DAB1: variants seen among roughly 807,000 people sequenced by gnomAD.
DAB1 encodes DAB adaptor protein 1, also known as disabled homolog 1.
In DAB1, 15 loss-of-function variants were observed where a neutral mutation model predicts 64.6. The ratio of observed to expected loss-of-function variants is 0.23; its 90% CI spans 0.16 to 0.36. DAB1 has a LOEUF of 0.36. Ranked by LOEUF, DAB1 falls within the 10% of genes least tolerant of loss-of-function variation. DAB1 has a pLI of 1.00. For missense variants in DAB1, 596 were observed against 706.7 expected (o/e 0.84, Z 1.78); for synonymous variants, 235 against 251.9 (o/e 0.93, Z 0.64).
intron 4 of DAB1, among the ~76,000 whole-genome samples, chr1:57,082,119 G>A (rs569706714): frequency 6.6e-6 from 1 of 152,270 alleles, no homozygotes; most frequent in South Asian, 2.1e-4. Context: ...AACCTATCTA[G>A]TGAGAGAATC....
At chr1:57,821,551 C>T (rs1652122075), downstream of DAB1, among the ~76,000 whole-genome samples, 2 of 152,202 alleles carry the variant, frequency 1.3e-5, no homozygotes, top group Non-Finnish European at 2.9e-5. Context: ...GAGCCATAGA[C>T]AACCCAAAGG....
chr1:57,899,571 C>A (rs1002960351), intron 5 of DAB1, among the ~76,000 whole-genome samples: 5 of 152,106 alleles, frequency 3.3e-5, no homozygotes, highest in Admixed American at 6.6e-5. Context: ...AACTCCTACA[C>A]CCTACCCTGA....
chr1:58,546,227 G>A (rs981028724), intron 1 of DAB1, among the ~76,000 whole-genome samples: 1 of 152,242 alleles, frequency 6.6e-6, no homozygotes, highest in African/African-American at 2.4e-5. Flanking sequence ...AGTTTCTCCT[G>A]AAGAGGGAAG....
chr1:58,535,656 A>G (rs2100486065), intron 1 of DAB1, among the ~76,000 whole-genome samples: 1 of 151,888 alleles, frequency 6.6e-6, no homozygotes, highest in African/African-American at 2.4e-5. Flanking sequence ...GCTACTGGAC[A>G]TGAATTCGAA....
At chr1:57,104,279 G>A (rs1246272252) in intron 4 of DAB1, among the ~76,000 whole-genome samples, 2 of 151,996 alleles carry the variant, frequency 1.3e-5, no homozygotes, top group Admixed American at 1.3e-4. Context: ...TCACTCACAG[G>A]GTAGGTCACA....
intron 4 of DAB1, among the ~76,000 whole-genome samples, chr1:57,082,864 C>T (rs1652686699): frequency 1.3e-5 from 2 of 152,122 alleles, no homozygotes; most frequent in Non-Finnish European, 2.9e-5. Context: ...AATCTTGTTC[C>T]CCTTTATCAG....
intron 4 of DAB1, among the ~76,000 whole-genome samples, chr1:58,185,058 C>T (rs564886351): frequency 7.2e-5 from 11 of 152,262 alleles, no homozygotes; most frequent in African/African-American, 2.6e-4. Flanking sequence ...ATACCCTTAT[C>T]CCACATTCTG....
chr1:57,267,689 G>T (rs1320682108), intron 2 of DAB1, among the ~76,000 whole-genome samples: 1 of 152,158 alleles, frequency 6.6e-6, no homozygotes, highest in African/African-American at 2.4e-5. Context: ...AGATGCTTCA[G>T]GTCATTGCAC....
At chr1:57,004,276 T>C (rs1433274764) in intron 14 of DAB1, among the ~76,000 whole-genome samples, 1 of 152,230 alleles carries the variant, frequency 6.6e-6, no homozygotes, top group Non-Finnish European at 1.5e-5. Flanking sequence ...CTATGTCACA[T>C]TATAACAAGA....
At chr1:58,284,969 G>T (rs994243808) in intron 4 of DAB1, among the ~76,000 whole-genome samples, 5 of 152,184 alleles carry the variant, frequency 3.3e-5, no homozygotes, top group Non-Finnish European at 5.9e-5. Context: ...TCATATATCT[G>T]CTTCCCATTC....
chr1:57,608,154 C>CAT (rs1441174223), intron 7 of DAB1, among the ~76,000 whole-genome samples: 4 of 152,094 alleles, frequency 2.6e-5, no homozygotes, highest in Admixed American at 2.6e-4. Context: ...TATACACACA[C>CAT]ATATATATAC....
intron 9 of DAB1, among the ~76,000 whole-genome samples, chr1:57,035,073 G>A (rs1647097421): frequency 6.6e-6 from 1 of 152,188 alleles, no homozygotes; most frequent in Non-Finnish European, 1.5e-5. Flanking sequence ...AATAACCATA[G>A]ACATTATTAT....
chr1:57,052,315 C>T (rs887949494), intron 9 of DAB1, among the ~76,000 whole-genome samples: 1 of 152,166 alleles, frequency 6.6e-6, no homozygotes, highest in Non-Finnish European at 1.5e-5. Context: ...GCTGGGATGT[C>T]ATATCTGATC....
chr1:58,363,408 G>A (rs1357627388), intron 3 of DAB1, among the ~76,000 whole-genome samples: 1 of 152,174 alleles, frequency 6.6e-6, no homozygotes. Flanking sequence ...GGGGCAGCAA[G>A]AAATATGTGA....
In DAB1 at chr1:57,678,761, G is replaced by GTTTTTTTTTTTTTTTTT. The variant is rs143885937; in HGVS notation, n.552-29097_552-29096insAAAAAAAAAAAAAAAAA. Among the ~76,000 whole-genome samples, 12 of 135,804 alleles carry GTTTTTTTTTTTTTTTTT rather than the reference G, an allele frequency of 8.8e-5. 2 individuals carry two copies. Among genetic ancestry groups the GTTTTTTTTTTTTTTTTT allele is most frequent in the African/African-American group, 1.1e-4 (4 of 35,370 alleles). The allele number at this position is 135,804 out of a possible 152,430, so 89.1% of individuals were successfully genotyped here. On this transcript the variant is annotated intron_variant and non_coding_transcript_variant, in intron 6 of 20. Coordinates refer to the DAB1 transcript ENST00000485760. ...CTGGCATTCGTCCAGTGAGGCAACT[G>GTTTTTTTTTTTTTTTTT]TTTTTTGTTTTTTTTTTCTTTGTTT... is the stretch of plus-strand genomic sequence containing the variant.
At position 57,193,666 on chromosome 1, in the gene DAB1, T is replaced by G. The variant is rs142259107; in HGVS notation, c.68-48237A>C. ...TTCCAAAGTGCTGGCATTGTAGGCT[T>G]GAGCCATGCATATGTATTTTTTAAA... On this transcript the variant is annotated intron_variant, in intron 2 of 14. Transcript: ENST00000371236. Among the ~76,000 whole-genome samples, 1,337 of 152,320 alleles carry G rather than the reference T, an allele frequency of 8.8e-3. 12 individuals are homozygous for G. The highest frequency in any genetic ancestry group is 0.014 in the Non-Finnish European group (959 of 68,026).
intron 7 of DAB1, among the ~76,000 whole-genome samples, chr1:57,643,264 G>T (rs1293557330): frequency 2.6e-5 from 4 of 152,078 alleles, no homozygotes; most frequent in Non-Finnish European, 5.9e-5. Flanking sequence ...TCTTTGCATG[G>T]ATACCCTCTG....
At chr1:58,327,046 A>G (rs1339408672) in intron 4 of DAB1, among the ~76,000 whole-genome samples, 1 of 152,244 alleles carries the variant, frequency 6.6e-6, no homozygotes, top group African/African-American at 2.4e-5. Context: ...CCCAGAACAT[A>G]AAATTTTCCC....
At chr1:57,703,514 T>C (rs538637790) in intron 6 of DAB1, among the ~76,000 whole-genome samples, 2 of 152,096 alleles carry the variant, frequency 1.3e-5, no homozygotes, top group Non-Finnish European at 2.9e-5. Flanking sequence ...AGAATGGCTA[T>C]TATTAAAAAA....
Sources: gnomAD v4.1 joint callset for allele counts (sites outside exome capture counted in the v4.1 genomes callset) on GRCh38, gnomAD v4.1.1 for gene constraint, MANE v1.5 for transcripts, NCBI Gene and HGNC (gene_info 2026-07-23, HGNC 2026-07-21) for gene names.